Variants in SUN1 observed in about 807,000 individuals in gnomAD.
SUN1 encodes SUN domain-containing protein 1.
A neutral mutation model predicts 103.2 loss-of-function variants in SUN1; 61 were observed. The ratio of observed to expected loss-of-function variants is 0.59; its 90% CI spans 0.48 to 0.73. The LOEUF (loss-of-function observed/expected upper bound fraction) is 0.73, where lower values mean the gene tolerates loss of function less well. SUN1 is among the 30% of genes least tolerant of loss of function. SUN1 has a pLI of 0.00. For synonymous variants in SUN1, 490 were observed against 425.7 expected (o/e 1.15, Z -1.86); for missense variants, 1,052 against 1,034.6 (o/e 1.02, Z -0.23).
intron 18 of SUN1, 54 bp from the exon 19 acceptor site, chr7:873,161 C>T (rs767994817): frequency 1.7e-5 from 26 of 1,511,796 alleles, no homozygotes; most frequent in African/African-American, 2.7e-5. Context: ...AGTGATTGGA[C>T]TTGGGGTTAT....
chr7:853,938 G>A (rs1036018370), intron 10 of SUN1, among the ~76,000 whole-genome samples: 35 of 152,236 alleles, frequency 2.3e-4, no homozygotes, highest in South Asian at 1.9e-3. Context: ...CCTCTTAGTG[G>A]CAGGTCATGG....
chr7:816,016 C>T (rs1583568752), upstream of SUN1: 1 of 207,164 alleles, frequency 4.8e-6, no homozygotes, highest in Admixed American at 6.4e-5. Context: ...AGATTCAGAC[C>T]CTCTCATGGA....
chr7:826,578 G>A (rs761180010), intron 1 of SUN1, among the ~76,000 whole-genome samples: 5 of 152,218 alleles, frequency 3.3e-5, no homozygotes, highest in African/African-American at 4.8e-5. Flanking sequence ...GTGTCCCCCC[G>A]TGGATCAGTG....
intron 5 of SUN1, chr7:850,081 A>C (rs766742848): frequency 6.7e-7 from 1 of 1,490,536 alleles, no homozygotes; most frequent in Non-Finnish European, 9.1e-7. Context: ...TCACCATGCT[A>C]TTTGTGTCTT....
At position 851,974 on chromosome 7, in the gene SUN1, G is replaced by A; in HGVS notation, c.782G>A (p.Trp261Ter). ...APGKAASGVF[W>*]WLGIGWYQFV... ...GGGAAGGCAGCCTCTGGAGTGTTCT[G>A]GTGGCTGGGGATTGGATGGTACCAG... The change falls in exon 7 of 19, where the codon TGG (tryptophan) becomes TAG (stop). Residue 261 changes from tryptophan (W) to a stop codon, truncating the protein, a stop_gained. Coordinates refer to ENST00000401592, the MANE Select transcript of SUN1 (RefSeq NM_001130965.3). LOFTEE classifies it high-confidence loss of function. 1 of 1,614,052 alleles carries A rather than the reference G, an allele frequency of 6.2e-7. No homozygotes were observed. Among genetic ancestry groups the A allele is most frequent in the Non-Finnish European group, 8.5e-7 (1 of 1,179,968 alleles).
At chr7:857,216 C>T (rs1585009761) in intron 12 of SUN1, among the ~76,000 whole-genome samples, 1 of 152,336 alleles carries the variant, frequency 6.6e-6, no homozygotes, top group South Asian at 2.1e-4. Context: ...CGCGTCTGCA[C>T]TCGGGAGGGT....
intron 5 of SUN1, 39 bp from the exon 6 acceptor site, chr7:851,345 T>C (rs1245783401): frequency 1.3e-6 from 2 of 1,537,450 alleles, no homozygotes; most frequent in South Asian, 1.2e-5. Flanking sequence ...GGCTGGTCCC[T>C]GGCGTCTGTC....
intron 13 of SUN1, 93 bp from the exon 14 acceptor site, chr7:860,035 A>G (rs1438746702): frequency 6.8e-6 from 10 of 1,465,530 alleles, no homozygotes; most frequent in South Asian, 1.3e-5. Flanking sequence ...GAGAGGATAT[A>G]TAATTCTTCT....
chr7:871,689 C>T (rs368751071), intron 17 of SUN1, among the ~76,000 whole-genome samples: 5 of 152,274 alleles, frequency 3.3e-5, no homozygotes, highest in East Asian at 1.9e-4. Context: ...TGCCCCACCC[C>T]GTATTTTTAT....
At chr7:852,370 G>A (rs1311967019) in intron 7 of SUN1, 5 of 607,932 alleles carry the variant, frequency 8.2e-6, no homozygotes, top group East Asian at 5.6e-5. Flanking sequence ...AAGGGGCAGC[G>A]ACTCAGGGTA....
At chr7:862,876 G>A (rs1237102063) in intron 15 of SUN1, among the ~76,000 whole-genome samples, 1 of 152,210 alleles carries the variant, frequency 6.6e-6, no homozygotes, top group Non-Finnish European at 1.5e-5. Flanking sequence ...TTCTGGCCGG[G>A]CGCAGTGGCT....
In SUN1 at chr7:860,369, G is replaced by T; in HGVS notation, c.1766G>T (p.Gly589Val). The T allele has an allele frequency of 6.2e-7, 1 of 1,613,146 alleles. No homozygotes were observed. The highest frequency in any genetic ancestry group is 8.5e-7 in the Non-Finnish European group (1 of 1,179,224). Residue 589 changes from glycine (G) to valine (V), a missense_variant, in exon 14 of 19, where the codon GGA becomes GTA. By Grantham distance (109) the Gly-to-Val change is moderately radical. This residue lies in a region of SUN1 where 846 missense variants were observed against 774.5 expected (regional missense o/e 1.09). Transcript: ENST00000401592. ...GCTGTGAGCGAGGCGGGGGCGTCTG[G>T]AATAACAGAGGCGGTGAGTCGGCGA... ...VSAVSEAGAS[G>V]ITEAQARAIV...
In SUN1 at chr7:832,519, G is replaced by A. The variant is rs554502523; in HGVS notation, c.-6G>A. 1 of 1,612,862 alleles carries A rather than the reference G, an allele frequency of 6.2e-7. No homozygotes were observed. The highest frequency in any genetic ancestry group is 1.3e-5 in the African/African-American group (1 of 75,046). On this transcript the variant is annotated 5_prime_UTR_variant, in exon 1 of 19. It adds an upstream start codon to the 5' untranslated region. Transcript: ENST00000401592. ...GCCCTCTGCAGTATGGTTTGAAGTGGTGAACATGGATTTTTCTCGGCTTCA... is the reference window on the plus strand; with the variant it reads ...GCCCTCTGCAGTATGGTTTGAAGTGATGAACATGGATTTTTCTCGGCTTCA...
At chr7:831,425 C>G (rs904085842), upstream of SUN1, among the ~76,000 whole-genome samples, 1 of 152,108 alleles carries the variant, frequency 6.6e-6, no homozygotes, top group Non-Finnish European at 1.5e-5. Flanking sequence ...GTGCCCGCCA[C>G]CACGCCTGGC....
At position 874,857 on chromosome 7, in the gene SUN1, G is replaced by A. The variant is rs980592741; in HGVS notation, c.*1526G>A. 6.6e-6 allele frequency: 1 copy of A among 152,214 alleles called. No individual in the cohort carries two copies. The highest frequency in any genetic ancestry group is 2.4e-5 in the African/African-American group (1 of 41,452). 9.4% of individuals were successfully genotyped at this position (152,214 alleles called of 1,614,324 possible). A position where few individuals can be genotyped will look rare whatever the true frequency, so the allele number is the denominator to read the frequency against. ...TCTGCTGCTGCCACCAAATTGATAA[G>A]ATGCTATTAAGAGGTTTAAATAAAG... On this transcript the variant is annotated 3_prime_UTR_variant, in exon 19 of 19. Coordinates refer to ENST00000401592, the MANE Select transcript of SUN1 (RefSeq NM_001130965.3).
intron 2 of SUN1, chr7:841,697 G>A: frequency 2.2e-6 from 1 of 453,566 alleles, no homozygotes; most frequent in Non-Finnish European, 3.9e-6. Flanking sequence ...TTAACCACTT[G>A]GGGTCATGGT....
In SUN1 at chr7:848,051, T is replaced by C. The variant is rs796595861; in HGVS notation, c.659-3333T>C. 2.8e-4 allele frequency among the ~76,000 whole-genome samples: 42 copies of C among 151,184 alleles called. 1 individual carries two copies. Among genetic ancestry groups the C allele is most frequent in the African/African-American group, 9.5e-4 (39 of 41,072 alleles). ...CTGCAGTCCAGTCTCCGGGATCCCC[T>C]GGGGGTTACCCCGCAGCGCCCTCTC... On this transcript the variant is annotated intron_variant, in intron 5 of 18. Transcript: ENST00000401592.
At position 835,247 on chromosome 7, in the gene SUN1, G is replaced by C. The variant is rs182884034; in HGVS notation, c.77+2646G>C. 5.7e-3 allele frequency among the ~76,000 whole-genome samples: 867 copies of C among 151,278 alleles called. 3 individuals carry two copies. The highest frequency in any genetic ancestry group is 0.022 in the South Asian group (104 of 4,834). ...CTGCGACTGGTGCTTCAGTTCACGG[G>C]TTCCCCAGCCCGCTGTCCTGCACCA... On this transcript the variant is annotated intron_variant, in intron 1 of 18. Transcript: ENST00000401592.
At chr7:867,332 G>A (rs925514892) in intron 16 of SUN1, among the ~76,000 whole-genome samples, 4 of 152,364 alleles carry the variant, frequency 2.6e-5, no homozygotes, top group Admixed American at 6.5e-5. Context: ...GCCAGCTCAC[G>A]AGTGCCACCG....
Sources: allele counts gnomAD v4.1 joint callset (sites outside exome capture counted in the v4.1 genomes callset), GRCh38; gene constraint gnomAD v4.1.1; regional missense constraint gnomAD v4.1.1; transcripts MANE v1.5; gene names NCBI Gene and HGNC (gene_info 2026-07-23, HGNC 2026-07-21).